The following PTPRO variants were observed in gnomAD, a reference collection of about 807,000 sequenced individuals.
PTPRO encodes receptor-type tyrosine-protein phosphatase O.
Under a neutral mutation model 145.2 loss-of-function variants are expected in PTPRO, and 62 were observed. The ratio of observed to expected loss-of-function variants is 0.43; its 90% CI spans 0.35 to 0.53. PTPRO has a LOEUF of 0.53. Ranked by LOEUF, PTPRO falls within the 20% of genes least tolerant of loss-of-function variation. The probability of loss-of-function intolerance (pLI) is 0.01; values close to 1 mark genes in which losing one functional copy is unlikely to be tolerated. For missense variants in PTPRO, 1,345 were observed against 1,482.7 expected (o/e 0.91, Z 1.53); for synonymous variants, 565 against 514.7 (o/e 1.10, Z -1.32).
chr12:15,590,669 C>T (rs117438545), intron 25 of PTPRO, among the ~76,000 whole-genome samples: 40 of 152,288 alleles, frequency 2.6e-4, no homozygotes, highest in Non-Finnish European at 5.3e-4. Flanking sequence ...TCAATACATT[C>T]ATTTCTGAAC....
intron 19 of PTPRO, among the ~76,000 whole-genome samples, chr12:15,577,274 G>A (rs1049645746): frequency 1.3e-5 from 2 of 152,204 alleles, no homozygotes; most frequent in African/African-American, 4.8e-5. Context: ...AGAGAAATCT[G>A]GGCAATTTTT....
chr12:15,431,187 C>T (rs551418358), intron 1 of PTPRO, among the ~76,000 whole-genome samples: 6 of 152,272 alleles, frequency 3.9e-5, no homozygotes, highest in African/African-American at 1.4e-4. Context: ...TTTGCCTGGA[C>T]ACCACCATGT....
In PTPRO at chr12:15,322,874, G is replaced by T; in HGVS notation, c.75+73G>T. 2.0e-6 allele frequency: 3 copies of T among 1,488,844 alleles called. No individual in the cohort carries two copies. The highest frequency in any genetic ancestry group is 2.8e-6 in the Non-Finnish European group (3 of 1,089,688). The allele number at this position is 1,488,844 out of a possible 1,614,324, so 92.2% of individuals were successfully genotyped here. A position where few individuals can be genotyped will look rare whatever the true frequency, so the allele number is the denominator to read the frequency against. On this transcript the variant is annotated intron_variant, in intron 1 of 26. Coordinates refer to ENST00000281171, the MANE Select transcript of PTPRO (RefSeq NM_030667.3). The surrounding 1 kb of genome is among the most constrained non-coding windows in gnomAD (Gnocchi z 6.3). The stretch of plus-strand genomic sequence containing the variant: ...CGCGCTCCGGCGCCCTCGCTCTGCC[G>T]TTGGGAGCGGCGCGCCCCAGGGCAC...
chr12:15,543,680 T>A (rs1007145441), intron 12 of PTPRO, among the ~76,000 whole-genome samples: 1 of 152,208 alleles, frequency 6.6e-6, no homozygotes, highest in South Asian at 2.1e-4. Flanking sequence ...AAGAATCTAA[T>A]AGGATCTACT....
At chr12:15,525,562 T>A (rs1374577604) in intron 11 of PTPRO, among the ~76,000 whole-genome samples, 1 of 152,184 alleles carries the variant, frequency 6.6e-6, no homozygotes, top group Non-Finnish European at 1.5e-5. Flanking sequence ...GAGGAAGCTT[T>A]ATCACCATTA....
At chr12:15,576,362 C>A (rs922382753) in intron 19 of PTPRO, among the ~76,000 whole-genome samples, 2 of 152,208 alleles carry the variant, frequency 1.3e-5, no homozygotes, top group Non-Finnish European at 2.9e-5. Flanking sequence ...GCCAATTAAA[C>A]CTCTCTTATC....
chr12:15,517,818 T>TC (rs1346558619), intron 9 of PTPRO, among the ~76,000 whole-genome samples: 3 of 152,308 alleles, frequency 2.0e-5, no homozygotes, highest in African/African-American at 7.2e-5. Context: ...GCAGTTCCAC[T>TC]CCTATGGCTT....
At chr12:15,533,639 G>A (rs530874882) in intron 12 of PTPRO, among the ~76,000 whole-genome samples, 3 of 152,242 alleles carry the variant, frequency 2.0e-5, no homozygotes, top group South Asian at 4.1e-4. Context: ...TACCTGAATT[G>A]CAGGTTTTGT....
chr12:15,463,281 A>G (rs1421572490), intron 1 of PTPRO, among the ~76,000 whole-genome samples: 2 of 152,130 alleles, frequency 1.3e-5, no homozygotes, highest in African/African-American at 4.8e-5. Context: ...CTAAACTCCA[A>G]TCTCCCATCC....
intron 1 of PTPRO, among the ~76,000 whole-genome samples, chr12:15,432,026 G>A (rs140669727): frequency 1.5e-4 from 23 of 152,214 alleles, no homozygotes; most frequent in African/African-American, 5.5e-4. Flanking sequence ...AAGTTTAGGG[G>A]TATGTGTGCA....
intron 1 of PTPRO, among the ~76,000 whole-genome samples, chr12:15,438,729 A>T (rs1381835686): frequency 6.6e-6 from 1 of 152,134 alleles, no homozygotes; most frequent in Non-Finnish European, 1.5e-5. Context: ...AAATGTATGA[A>T]TTATTGGCAT....
intron 2 of PTPRO, among the ~76,000 whole-genome samples, chr12:15,489,116 A>G (rs1941949047): frequency 6.6e-6 from 1 of 152,160 alleles, no homozygotes; most frequent in Non-Finnish European, 1.5e-5. Context: ...TGTCCTAGGT[A>G]CCAAAGAAAT....
At chr12:15,525,263 T>C (rs1942814015) in intron 11 of PTPRO, among the ~76,000 whole-genome samples, 1 of 152,232 alleles carries the variant, frequency 6.6e-6, no homozygotes, top group Non-Finnish European at 1.5e-5. Context: ...AATTAACGTG[T>C]TTCCCATTTT....
At chr12:15,554,458 G>T (rs1432886699) in intron 15 of PTPRO, among the ~76,000 whole-genome samples, 1 of 151,678 alleles carries the variant, frequency 6.6e-6, no homozygotes, top group Non-Finnish European at 1.5e-5. Context: ...CATAGATATA[G>T]GTATATGGGA....
At position 15,513,193 on chromosome 12, in the gene PTPRO, GAAAGAAAGAAAGAA is replaced by G. The variant is rs1420220577; in HGVS notation, c.1465-2303_1465-2290del. Among the ~76,000 whole-genome samples the G allele has an allele frequency of 3.7e-3, 362 of 99,028 alleles. 19 individuals carry two copies. The highest frequency in any genetic ancestry group is 0.01 in the African/African-American group (224 of 22,126). 65.0% of individuals were successfully genotyped at this position (99,028 alleles called of 152,430 possible). A position where few individuals can be genotyped will look rare whatever the true frequency, so the allele number is the denominator to read the frequency against. On this transcript the variant is annotated intron_variant, in intron 7 of 26. Transcript: ENST00000281171. Reference sequence around the variant, plus strand: ...AGAAAGAAAGAAAGAAAGAAAGAAAGAAAGAAAGAAAGAAAGAAAGAAAGAAAGAAAGAAAAGAA... The same window carrying G: ...AGAAAGAAAGAAAGAAAGAAAGAAAGAGAAAGAAAGAAAGAAAGAAAAGAA...
chr12:15,499,685 C>T (rs375750838), intron 4 of PTPRO, 91 bp downstream of exon 4: 19 of 1,416,236 alleles, frequency 1.3e-5, no homozygotes, highest in East Asian at 4.7e-5. Context: ...ATATTCTGAT[C>T]CAGAGCAAAG....
chr12:15,596,060 G>T (rs187688408), intron 26 of PTPRO, 30 bp from the exon 27 acceptor site: 1 of 152,330 alleles, frequency 6.6e-6, no homozygotes, highest in African/African-American at 2.4e-5. Flanking sequence ...ACACCAGGCT[G>T]CTTACTGTCT....
chr12:15,479,378 A>G (rs1183366639), intron 1 of PTPRO, among the ~76,000 whole-genome samples: 1 of 152,190 alleles, frequency 6.6e-6, no homozygotes, highest in Non-Finnish European at 1.5e-5. Context: ...TCTGCCCTTC[A>G]TTAATCTGTA....
chr12:15,502,180 T>C, intron 5 of PTPRO, 117 bp downstream of exon 5: 2 of 1,061,642 alleles, frequency 1.9e-6, no homozygotes, highest in Admixed American at 2.3e-5. Context: ...CAAAGAATAA[T>C]GGTAATGAAA....
Sources: gnomAD v4.1 joint callset for allele counts (sites outside exome capture counted in the v4.1 genomes callset) on GRCh38, gnomAD v4.1.1 for gene constraint, Gnocchi (gnomAD v3.1) non-coding constraint, MANE v1.5 for transcripts, NCBI Gene and HGNC (gene_info 2026-07-23, HGNC 2026-07-21) for gene names.